The following ALDH3A2 variants were observed in gnomAD, a reference collection of about 807,000 sequenced individuals.
The protein encoded by ALDH3A2 is aldehyde dehydrogenase 3 family member A2, also known as aldehyde dehydrogenase family 3 member A2.
A neutral mutation model predicts 51.3 loss-of-function variants in ALDH3A2; 36 were observed. The observed-to-expected ratio is 0.70, with a 90% CI of 0.54 to 0.93. The LOEUF (loss-of-function observed/expected upper bound fraction) is 0.93, where lower values mean the gene tolerates loss of function less well. Among genes scored for constraint, ALDH3A2 ranks in the 40% least tolerant of loss-of-function variants. ALDH3A2 has a pLI of 0.00. For synonymous variants in ALDH3A2, 199 were observed against 219.8 expected (o/e 0.91, Z 0.84); for missense variants, 552 against 603.1 (o/e 0.92, Z 0.89).
At chr17:19,673,253 C>T in intron 9 of ALDH3A2, 2 of 1,614,166 alleles carry the variant, frequency 1.2e-6, no homozygotes, top group African/African-American at 1.3e-5. Flanking sequence ...TTTCAAAACC[C>T]AGCCCTGTCT....
chr17:19,676,732 G>A lies in ALDH3A2; in HGVS notation c.*1160G>A, dbSNP rs2085195910. 6.6e-6 allele frequency: 1 copy of A among 152,212 alleles called. No individual in the cohort carries two copies. Among genetic ancestry groups the A allele is most frequent in the South Asian group, 2.1e-4 (1 of 4,830 alleles). 9.4% of individuals were successfully genotyped at this position (152,212 alleles called of 1,614,324 possible). A position where few individuals can be genotyped will look rare whatever the true frequency, so the allele number is the denominator to read the frequency against. On this transcript the variant is annotated 3_prime_UTR_variant, in exon 10 of 10. Coordinates refer to ENST00000176643, the MANE Select transcript of ALDH3A2 (RefSeq NM_000382.3). ...TTCAGGACCCTAAAGTTGCAGGTTA[G>A]TAGGTCTTCAAGGACAAATCTGTAA...
chr17:19,651,678 C>T lies in ALDH3A2; in HGVS notation c.285C>T (p.Ala95=), dbSNP rs201394150. 2.5e-6 allele frequency: 4 copies of T among 1,614,040 alleles called. No individual in the cohort carries two copies. The highest frequency in any genetic ancestry group is 2.5e-6 in the Non-Finnish European group (3 of 1,180,052). The change falls in exon 2 of 10, where the codon GCC becomes GCT. Residue 95 remains alanine, a synonymous_variant. Transcript: ENST00000176643. ...ACGTGCTCACCATGCTGGATGAGGC[C>T]TATATTCAGCCACAGCCTCTGGGAG... ...KKNVLTMLDE[A]YIQPQPLGVV...
At chr17:19,661,422 T>C (rs1468296933) in intron 6 of ALDH3A2, 154 bp downstream of exon 6, 2 of 840,974 alleles carry the variant, frequency 2.4e-6, no homozygotes, top group Non-Finnish European at 3.7e-6. Flanking sequence ...GTAGCTTTTG[T>C]TATAAACTAT....
In ALDH3A2 at chr17:19,651,344, A is replaced by AT. The variant is rs1272046447; in HGVS notation, c.154-196dup. ...TTACTACTCCCTGAAATAATCTTTG[A>AT]TTTTTTTAAAAGAAATATATTAGAG... On this transcript the variant is annotated intron_variant, in intron 1 of 9. Transcript: ENST00000176643. Among the ~76,000 whole-genome samples the AT allele has an allele frequency of 5.9e-5, 9 of 152,288 alleles. No homozygotes were observed. The South Asian group carries it at 8.3e-4, about 14-fold the overall frequency.
At position 19,657,863 on chromosome 17, in the gene ALDH3A2, G is replaced by T; in HGVS notation, c.798+1G>T. On this transcript the variant is annotated splice_donor_variant, in intron 5 of 9. Transcript: ENST00000176643. LOFTEE classifies it high-confidence loss of function. ...ATGGAAGATTAAGGAAACAGTGAAG[G>T]TTTGTATTAAAAACATCTGATTCCA... The T allele has an allele frequency of 6.3e-7, 1 of 1,591,538 alleles. No homozygotes were observed. Among genetic ancestry groups the T allele is most frequent in the Non-Finnish European group, 8.6e-7 (1 of 1,159,590 alleles).
upstream of ALDH3A2, chr17:19,648,741 G>A (rs1225482143): frequency 5.0e-6 from 3 of 604,724 alleles, no homozygotes; most frequent in Non-Finnish European, 8.7e-6. Context: ...TGAGGCTTTG[G>A]GTCGAGCTCA....
At chr17:19,661,370 A>T (rs1236864348) in intron 6 of ALDH3A2, 102 bp downstream of exon 6, 1 of 1,360,650 alleles carries the variant, frequency 7.3e-7, no homozygotes, top group Non-Finnish European at 1.0e-6. Flanking sequence ...ATAGCATTTA[A>T]TTGTTAAAGT....
At position 19,675,755 on chromosome 17, in the gene ALDH3A2, A is replaced by G; in HGVS notation, c.*183A>G. On this transcript the variant is annotated 3_prime_UTR_variant, in exon 10 of 10. Coordinates refer to ENST00000176643, the MANE Select transcript of ALDH3A2 (RefSeq NM_000382.3). The stretch of plus-strand genomic sequence containing the variant: ...AAGTTGCCATTTCAACTACGTCCCA[A>G]CATTCCCTAATAGGGTATTCAGGGA... 1 of 702,634 alleles carries G rather than the reference A, an allele frequency of 1.4e-6. No homozygotes were observed. The highest frequency in any genetic ancestry group is 2.5e-6 in the Non-Finnish European group (1 of 401,050). The allele number at this position is 702,634 out of a possible 1,614,324, so 43.5% of individuals were successfully genotyped here.
At chr17:19,652,213 TAGAG>T (rs2084825501) in intron 2 of ALDH3A2, among the ~76,000 whole-genome samples, 1 of 152,150 alleles carries the variant, frequency 6.6e-6, no homozygotes, top group East Asian at 1.9e-4. Context: ...AGGATCCAGA[TAGAG>T]AGATGTATGT....
At chr17:19,672,229 C>G (rs1229596499) in intron 9 of ALDH3A2, 1 of 516,430 alleles carries the variant, frequency 1.9e-6, no homozygotes, top group Non-Finnish European at 3.5e-6. Flanking sequence ...TAAATTATTA[C>G]AGAAAAGTTT....
intron 8 of ALDH3A2, among the ~76,000 whole-genome samples, chr17:19,668,404 C>T (rs1423798510): frequency 6.6e-6 from 1 of 152,028 alleles, no homozygotes; most frequent in East Asian, 2.0e-4. Context: ...CCCGACACCA[C>T]TCCTACCTAA....
intron 4 of ALDH3A2, 107 bp downstream of exon 4, chr17:19,656,681 C>T (rs367669043): frequency 1.7e-5 from 19 of 1,111,504 alleles, no homozygotes; most frequent in East Asian, 2.6e-5. Context: ...CTCCAAGATA[C>T]ATTATTAAGC....
At chr17:19,653,373 C>T (rs1015947831) in intron 3 of ALDH3A2, among the ~76,000 whole-genome samples, 15 of 152,282 alleles carry the variant, frequency 9.9e-5, no homozygotes, top group Non-Finnish European at 2.2e-4. Context: ...CTCGGTCTCA[C>T]TGACTTCAAG....
At chr17:19,673,262 C>G in intron 9 of ALDH3A2, 2 of 1,614,026 alleles carry the variant, frequency 1.2e-6, no homozygotes, top group Non-Finnish European at 1.7e-6. Context: ...CCAGCCCTGT[C>G]TGTTAAGAGT....
At chr17:19,674,576 G>C (rs1292540312) in intron 9 of ALDH3A2, 3 of 152,198 alleles carry the variant, frequency 2.0e-5, no homozygotes, top group South Asian at 2.1e-4. Flanking sequence ...TTGGGCCTCA[G>C]CTTGCTCATC....
Position 19,657,823 on chromosome 17 carries a change from C to T in ALDH3A2, c.759C>T (p.Leu253=). The T allele has an allele frequency of 6.2e-7, 1 of 1,613,526 alleles. No individual in the cohort carries two copies. The highest frequency in any genetic ancestry group is 8.5e-7 in the Non-Finnish European group (1 of 1,179,528). The change falls in exon 5 of 10, where the codon CTC becomes CTT. Residue 253 remains leucine, a synonymous_variant. Transcript: ENST00000176643. ...APDYILCEAS[L]QNQIVWKIKE... ...ACTATATTCTCTGTGAAGCATCCCTCCAAAATCAAATTGTATGGAAGATTA... is the reference window on the plus strand; with the variant it reads ...ACTATATTCTCTGTGAAGCATCCCTTCAAAATCAAATTGTATGGAAGATTA...
intron 3 of ALDH3A2, among the ~76,000 whole-genome samples, chr17:19,653,154 T>A (rs1387906674): frequency 6.6e-6 from 1 of 151,828 alleles, no homozygotes; most frequent in Non-Finnish European, 1.5e-5. Flanking sequence ...AAGCGATTCT[T>A]CTGCCTCAGC....
At chr17:19,656,245 G>T in intron 3 of ALDH3A2, 121 bp from the exon 4 acceptor site, 1 of 903,804 alleles carries the variant, frequency 1.1e-6, no homozygotes, top group Non-Finnish European at 1.8e-6. Flanking sequence ...CCCTCACAGG[G>T]ACTGGTCTTG....
chr17:19,664,852 G>A, intron 7 of ALDH3A2, 96 bp from the exon 8 acceptor site: 1 of 845,002 alleles, frequency 1.2e-6, no homozygotes, highest in Non-Finnish European at 2.0e-6. Flanking sequence ...CATGCTTTGA[G>A]CACATAACTG....
Sources: gnomAD v4.1 joint callset for allele counts (sites outside exome capture counted in the v4.1 genomes callset) on GRCh38, gnomAD v4.1.1 for gene constraint, MANE v1.5 for transcripts, NCBI Gene and HGNC (gene_info 2026-07-23, HGNC 2026-07-21) for gene names.